L3MBTL3: variants seen among roughly 807,000 people sequenced by gnomAD.
L3MBTL3 encodes the protein L3MBTL histone methyl-lysine binding protein 3.
In L3MBTL3, 27 loss-of-function variants were observed where a neutral mutation model predicts 102.3. The observed-to-expected ratio is 0.26, with a 90% CI of 0.19 to 0.36. The LOEUF is 0.36. Ranked by LOEUF, L3MBTL3 falls within the 10% of genes least tolerant of loss-of-function variation. L3MBTL3 has a pLI of 1.00. For missense variants in L3MBTL3, 798 were observed against 955.3 expected, an observed-to-expected ratio of 0.84 and a Z score of 2.17; for synonymous variants, 340 against 320.9, an observed-to-expected ratio of 1.06 and a Z score of -0.64.
At chr6:130,019,922 C>G (rs1390231913) in intron 1 of L3MBTL3, among the ~76,000 whole-genome samples, 9 of 139,670 alleles carry the variant, frequency 6.4e-5, no homozygotes, top group Non-Finnish European at 1.4e-4. Context: ...TCGCCCCGCG[C>G]CGTGCCGCGC....
At chr6:130,034,068 G>T (rs139438312) in intron 2 of L3MBTL3, among the ~76,000 whole-genome samples, 5 of 152,236 alleles carry the variant, frequency 3.3e-5, no homozygotes, top group Non-Finnish European at 5.9e-5. Context: ...CTTCATCTCA[G>T]CCCCAGGCAG....
chr6:130,029,118 A>G (rs532538166), intron 2 of L3MBTL3, among the ~76,000 whole-genome samples: 3 of 152,322 alleles, frequency 2.0e-5, no homozygotes, highest in African/African-American at 7.2e-5. Flanking sequence ...CTGTGCTTCA[A>G]AACCTCCTAT....
At chr6:130,125,304 A>G (rs1464653958) in intron 20 of L3MBTL3, among the ~76,000 whole-genome samples, 1 of 152,212 alleles carries the variant, frequency 6.6e-6, no homozygotes, top group Non-Finnish European at 1.5e-5. Flanking sequence ...GAATTTTAAC[A>G]GCAGTGTCTC....
intron 16 of L3MBTL3, among the ~76,000 whole-genome samples, chr6:130,088,190 T>A (rs1206699196): frequency 6.6e-6 from 1 of 152,124 alleles, no homozygotes; most frequent in African/African-American, 2.4e-5. Context: ...GGGGTACAGT[T>A]GACAATTATC....
chr6:130,043,988 C>T (rs747523916), intron 3 of L3MBTL3, among the ~76,000 whole-genome samples: 45 of 152,160 alleles, frequency 3.0e-4, no homozygotes, highest in Non-Finnish European at 5.9e-4. Flanking sequence ...TAATCCCTTT[C>T]GGTCAAGTTT....
chr6:130,082,787 A>C (rs1015867583), intron 14 of L3MBTL3, among the ~76,000 whole-genome samples: 3 of 152,336 alleles, frequency 2.0e-5, no homozygotes, highest in Middle Eastern at 6.8e-3. Flanking sequence ...GCTAGGAAAT[A>C]CATGTGTATA....
chr6:130,065,143 T>C (rs1037753774), intron 10 of L3MBTL3, among the ~76,000 whole-genome samples: 1 of 152,154 alleles, frequency 6.6e-6, no homozygotes, highest in Non-Finnish European at 1.5e-5. Flanking sequence ...TACATTCTAA[T>C]TGAAAAAATG....
At chr6:130,052,818 T>G in intron 6 of L3MBTL3, 41 bp from the exon 7 acceptor site, 1 of 1,596,016 alleles carries the variant, frequency 6.3e-7, no homozygotes, top group Non-Finnish European at 8.5e-7. Flanking sequence ...GTTTGATAGG[T>G]ATTGTCTCTT....
chr6:130,089,121 G>T (rs1272783911), intron 16 of L3MBTL3, among the ~76,000 whole-genome samples: 1 of 151,752 alleles, frequency 6.6e-6, no homozygotes, highest in Non-Finnish European at 1.5e-5. Flanking sequence ...CAACGTGCAG[G>T]TTTGTCACAT....
chr6:130,035,666 A>C (rs566912746), intron 2 of L3MBTL3, among the ~76,000 whole-genome samples: 1 of 152,212 alleles, frequency 6.6e-6, no homozygotes, highest in Non-Finnish European at 1.5e-5. Flanking sequence ...CTGGGCATCA[A>C]TGCCTTTGGT....
chr6:130,042,635 CAG>C, intron 2 of L3MBTL3, 48 bp from the exon 3 acceptor site: 1 of 1,113,796 alleles, frequency 9.0e-7, no homozygotes, highest in Non-Finnish European at 1.4e-6. Flanking sequence ...AAATTAAAAA[CAG>C]ATTTCCATGT....
intron 19 of L3MBTL3, among the ~76,000 whole-genome samples, chr6:130,111,128 T>G (rs984451583): frequency 9.9e-5 from 15 of 152,128 alleles, no homozygotes; most frequent in Admixed American, 3.3e-4. Flanking sequence ...TGCAAGTAGT[T>G]TACTTAGTAG....
At position 130,097,002 on chromosome 6, in the gene L3MBTL3, C is replaced by G. The variant is rs751006356; in HGVS notation, c.1736+2635C>G. Among the ~76,000 whole-genome samples the G allele has an allele frequency of 2.0e-5, 3 of 152,150 alleles. No homozygotes were observed. The South Asian group carries it at 6.2e-4, about 31-fold the overall frequency. ...GGCAGAGTTGTTGGTTGACTCGAGC[C>G]CCTGGACCAAGGGATGCAATTCACA... is the stretch of plus-strand genomic sequence containing the variant. On this transcript the variant is annotated intron_variant, in intron 18 of 22. Coordinates refer to ENST00000361794, the MANE Select transcript of L3MBTL3 (RefSeq NM_032438.4).
At chr6:130,134,206 C>CAGAGGAAGCCAAAGAA (rs1787372696) in intron 22 of L3MBTL3, among the ~76,000 whole-genome samples, 1 of 152,156 alleles carries the variant, frequency 6.6e-6, no homozygotes, top group South Asian at 2.1e-4. Flanking sequence ...GTTTATAGCA[C>CAGAGGAAGCCAAAGAA]AGAGGAAGCC....
intron 15 of L3MBTL3, among the ~76,000 whole-genome samples, chr6:130,085,750 A>G (rs1783644311): frequency 6.6e-6 from 1 of 151,898 alleles, no homozygotes; most frequent in African/African-American, 2.4e-5. Context: ...TAGCCCAGCT[A>G]TTTCTTTTTT....
intron 19 of L3MBTL3, among the ~76,000 whole-genome samples, chr6:130,115,425 A>T (rs957524492): frequency 1.1e-4 from 16 of 152,222 alleles, no homozygotes; most frequent in Admixed American, 9.8e-4. Context: ...AAATCGATAA[A>T]TCCCTAAATT....
intron 3 of L3MBTL3, among the ~76,000 whole-genome samples, chr6:130,046,242 C>G (rs112004691): frequency 0.01 from 1,552 of 152,210 alleles, 28 homozygotes; most frequent in African/African-American, 0.036. Flanking sequence ...AAGAGCAAGA[C>G]CCTGCCTGCA....
intron 1 of L3MBTL3, among the ~76,000 whole-genome samples, chr6:130,021,392 A>G (rs2114415137): frequency 6.6e-6 from 1 of 152,364 alleles, no homozygotes; most frequent in African/African-American, 2.4e-5. Flanking sequence ...AAATCGAAGC[A>G]ATGAATTCTG....
In L3MBTL3 at chr6:130,049,341, T is replaced by C. The variant is rs1780937473; in HGVS notation, c.162T>C (p.Asn54=). The change falls in exon 4 of 23, where the codon AAT becomes AAC. Residue 54 remains asparagine, a synonymous_variant. Coordinates refer to ENST00000361794, the MANE Select transcript of L3MBTL3 (RefSeq NM_032438.4). ...TTACAGATGAGAATGAGATGGAAAA[T>C]GTTAAAAAAGCAACTGCTACCACCA... ...EVITDENEME[N]VKKATATTTW... The C allele has an allele frequency of 6.2e-7, 1 of 1,613,830 alleles. No individual in the cohort carries two copies.
Sources: allele counts gnomAD v4.1 joint callset (sites outside exome capture counted in the v4.1 genomes callset), GRCh38; gene constraint gnomAD v4.1.1; transcripts MANE v1.5; gene names NCBI Gene and HGNC (gene_info 2026-07-23, HGNC 2026-07-21).